PARM1: variants seen among roughly 807,000 people sequenced by gnomAD.
PARM1 encodes the protein WSC4, cell wall integrity and stress response component 4 homolog.
In PARM1, 14 loss-of-function variants were observed where a neutral mutation model predicts 24.6. The observed-to-expected ratio is 0.57, with a 90% confidence interval of 0.38 to 0.89. PARM1 has a LOEUF of 0.89. Ranked by LOEUF, PARM1 falls within the 40% of genes least tolerant of loss-of-function variation. PARM1 has a pLI of 0.00. For missense variants in PARM1, 362 were observed against 380.4 expected (o/e 0.95, Z 0.40); for synonymous variants, 179 against 156.6 (o/e 1.14, Z -1.07).
intron 3 of PARM1, among the ~76,000 whole-genome samples, chr4:75,035,926 G>A (rs1262455011): frequency 6.6e-6 from 1 of 152,096 alleles, no homozygotes; most frequent in Non-Finnish European, 1.5e-5. Flanking sequence ...ATATCTTACT[G>A]AATGATACCT....
At chr4:74,960,384 A>G (rs1433069496) in intron 1 of PARM1, among the ~76,000 whole-genome samples, 1 of 152,146 alleles carries the variant, frequency 6.6e-6, no homozygotes, top group Non-Finnish European at 1.5e-5. Context: ...ACAACCACAT[A>G]TATGGGGGCA....
At chr4:74,998,607 AG>A (rs1402205664) in intron 1 of PARM1, among the ~76,000 whole-genome samples, 1 of 152,190 alleles carries the variant, frequency 6.6e-6, no homozygotes, top group Non-Finnish European at 1.5e-5. Context: ...CTTTTTGCAG[AG>A]GGTATTCATT....
At chr4:74,987,930 T>A (rs1259326320) in intron 1 of PARM1, among the ~76,000 whole-genome samples, 2 of 152,190 alleles carry the variant, frequency 1.3e-5, no homozygotes, top group African/African-American at 4.8e-5. Flanking sequence ...TTCAGAAAAA[T>A]TAATTTATGT....
intron 1 of PARM1, among the ~76,000 whole-genome samples, chr4:74,981,879 CAAAAAAA>C (rs1159910773): frequency 7.2e-5 from 4 of 55,652 alleles, no homozygotes; most frequent in Admixed American, 2.0e-4. Flanking sequence ...ACTCAATCTC[CAAAAAAA>C]AAAAAAAAAA....
At chr4:75,005,583 C>G (rs1722756139) in intron 1 of PARM1, among the ~76,000 whole-genome samples, 2 of 152,164 alleles carry the variant, frequency 1.3e-5, no homozygotes, top group African/African-American at 4.8e-5. Context: ...CTGCATGTCC[C>G]AACAATCAGC....
chr4:74,957,280 T>C (rs774741144), intron 1 of PARM1: 3 of 152,220 alleles, frequency 2.0e-5, no homozygotes, highest in Non-Finnish European at 4.4e-5. Context: ...ACACCCACAT[T>C]TGAACTCAGG....
At chr4:74,989,535 T>C (rs1260131374) in intron 1 of PARM1, among the ~76,000 whole-genome samples, 1 of 152,190 alleles carries the variant, frequency 6.6e-6, no homozygotes, top group Non-Finnish European at 1.5e-5. Context: ...TCCAGGGACC[T>C]CCCTGTGTTC....
intron 2 of PARM1, among the ~76,000 whole-genome samples, chr4:75,024,735 G>A (rs1434887312): frequency 2.0e-5 from 3 of 151,934 alleles, no homozygotes; most frequent in Non-Finnish European, 2.9e-5. Context: ...GCTCACTCTC[G>A]TCGCCCAGGC....
intron 1 of PARM1, among the ~76,000 whole-genome samples, chr4:74,946,142 G>A (rs373136091): frequency 1.3e-5 from 2 of 152,120 alleles, no homozygotes; most frequent in African/African-American, 4.8e-5. Flanking sequence ...CCATTTTGCC[G>A]TTCAGGTCAC....
At chr4:75,042,331 A>C (rs1013628700) in intron 3 of PARM1, among the ~76,000 whole-genome samples, 1 of 152,224 alleles carries the variant, frequency 6.6e-6, no homozygotes, top group African/African-American at 2.4e-5. Flanking sequence ...GGCTATATTG[A>C]ATCAGTGCCA....
At chr4:74,976,092 C>A (rs1722134261) in intron 1 of PARM1, among the ~76,000 whole-genome samples, 1 of 152,142 alleles carries the variant, frequency 6.6e-6, no homozygotes, top group African/African-American at 2.4e-5. Context: ...GGAGATCCCC[C>A]TGTGAGCCTA....
At chr4:74,952,088 C>G (rs1327000748) in intron 1 of PARM1, among the ~76,000 whole-genome samples, 1 of 152,200 alleles carries the variant, frequency 6.6e-6, no homozygotes, top group Non-Finnish European at 1.5e-5. Context: ...TCCACATCCT[C>G]TCCAGCATCT....
intron 1 of PARM1, among the ~76,000 whole-genome samples, chr4:74,972,763 G>A (rs1053020583): frequency 2.0e-5 from 3 of 152,088 alleles, no homozygotes; most frequent in Admixed American, 6.6e-5. Flanking sequence ...AAGCCTCTAC[G>A]TTATTTGGGT....
At chr4:75,019,506 C>T (rs1044776704) in intron 2 of PARM1, among the ~76,000 whole-genome samples, 14 of 152,158 alleles carry the variant, frequency 9.2e-5, no homozygotes. Flanking sequence ...CATTAAATTG[C>T]TGATCTGAAC....
At position 75,001,594 on chromosome 4, in the gene PARM1, G is replaced by A. The variant is rs566873045; in HGVS notation, c.44-10831G>A. On this transcript the variant is annotated intron_variant, in intron 1 of 3. Transcript: ENST00000307428. The stretch of plus-strand genomic sequence containing the variant: ...ATTCATTGTTTTGTACAATTAAGAC[G>A]TGTGCATTTTACTGCATGCAAGTTG... Among the ~76,000 whole-genome samples the A allele has an allele frequency of 2.0e-5, 3 of 152,266 alleles. No homozygotes were observed. The South Asian group carries it at 6.2e-4, about 32-fold the overall frequency.
Position 75,033,872 on chromosome 4 carries a change from C to T in PARM1, c.770-11C>T. The T allele has an allele frequency of 6.3e-7, 1 of 1,590,184 alleles. No homozygotes were observed. The highest frequency in any genetic ancestry group is 8.6e-7 in the Non-Finnish European group (1 of 1,167,742). On this transcript the variant is annotated splice_polypyrimidine_tract_variant and intron_variant, in intron 2 of 3. Coordinates refer to ENST00000307428, the MANE Select transcript of PARM1 (RefSeq NM_015393.4). ...ATGTATCTTCTTTTCTGTGCCCTTCCTCCTTCACAGGCAGCATCGCCGCCA... is the reference window on the plus strand; with the variant it reads ...ATGTATCTTCTTTTCTGTGCCCTTCTTCCTTCACAGGCAGCATCGCCGCCA...
chr4:75,039,256 G>A (rs1215974971), intron 3 of PARM1, among the ~76,000 whole-genome samples: 3 of 152,214 alleles, frequency 2.0e-5, no homozygotes, highest in Admixed American at 1.3e-4. Context: ...TTCCGGCCGG[G>A]TGTGGTGGCT....
chr4:74,985,160 C>T (rs958372284), intron 1 of PARM1, among the ~76,000 whole-genome samples: 1 of 152,176 alleles, frequency 6.6e-6, no homozygotes, highest in African/African-American at 2.4e-5. Flanking sequence ...CACAAAGGGC[C>T]CAGGTGGCAG....
chr4:74,980,195 A>T (rs1231737990), intron 1 of PARM1, among the ~76,000 whole-genome samples: 1 of 152,178 alleles, frequency 6.6e-6, no homozygotes, highest in African/African-American at 2.4e-5. Flanking sequence ...TGCAGAGGGC[A>T]TGATCCTATA....
Sources: allele counts gnomAD v4.1 joint callset (sites outside exome capture counted in the v4.1 genomes callset), GRCh38; gene constraint gnomAD v4.1.1; transcripts MANE v1.5; gene names NCBI Gene and HGNC (gene_info 2026-07-23, HGNC 2026-07-21).